Variants in MICU2 observed in about 807,000 individuals in gnomAD.
MICU2 encodes calcium uptake protein 2, mitochondrial.
Under a neutral mutation model 60.4 loss-of-function variants are expected in MICU2, and 64 were observed. That is an observed-to-expected ratio of 1.06 (90% CI 0.87 to 1.31). MICU2 has a LOEUF of 1.31. MICU2 is among the 50% of genes most tolerant of loss of function. The pLI, the probability that MICU2 is intolerant of heterozygous loss-of-function variation, is 0.00. For synonymous variants in MICU2, 201 were observed against 175.0 expected (o/e 1.15, Z -1.17); for missense variants, 569 against 531.0 (o/e 1.07, Z -0.70).
intron 1 of MICU2, among the ~76,000 whole-genome samples, chr13:21,580,729 TAACA>T (rs1444133866): frequency 6.6e-6 from 1 of 152,044 alleles, no homozygotes; most frequent in African/African-American, 2.4e-5. Context: ...TTCATGTAAG[TAACA>T]AATATTATTA....
At chr13:21,539,812 T>C (rs1887237934) in intron 2 of MICU2, 124 bp from the exon 3 acceptor site, 18 of 898,690 alleles carry the variant, frequency 2.0e-5, no homozygotes, top group Non-Finnish European at 2.8e-5. Context: ...AAGCAAAGGC[T>C]TGTAATTTTA....
At chr13:21,560,786 T>C (rs986440898) in intron 2 of MICU2, among the ~76,000 whole-genome samples, 5 of 152,224 alleles carry the variant, frequency 3.3e-5, no homozygotes, top group African/African-American at 1.2e-4. Flanking sequence ...AGAATTTCTG[T>C]AAAAATTTTC....
At chr13:21,533,324 ATTTT>A in intron 4 of MICU2, among the ~76,000 whole-genome samples, 1 of 138,356 alleles carries the variant, frequency 7.2e-6, no homozygotes, top group African/African-American at 2.7e-5. Context: ...AGGCAGCGCA[ATTTT>A]TTTTTTTTTT....
intron 6 of MICU2, among the ~76,000 whole-genome samples, chr13:21,515,018 C>T (rs370404410): frequency 1.1e-4 from 17 of 151,782 alleles, no homozygotes; most frequent in African/African-American, 3.9e-4. Context: ...TTATGCTGTC[C>T]TTTCAAGATA....
chr13:21,502,984 T>C lies in MICU2; in HGVS notation c.875A>G (p.Asn292Ser), dbSNP rs1329480984. The C allele has an allele frequency of 1.9e-6, 3 of 1,612,088 alleles. No individual in the cohort carries two copies. Among genetic ancestry groups the C allele is most frequent in the Middle Eastern group, 1.7e-4 (1 of 6,056 alleles). Reference sequence around the variant, plus strand: ...CCAATAAATATCTTTATTTTCAGTGTTAGTGAAAAAAAGTAGCCACTCTGC... The same window carrying C: ...CCAATAAATATCTTTATTTTCAGTGCTAGTGAAAAAAAGTAGCCACTCTGC... ...DFAEWLLFFT[N>S]TENKDIYWKN... Residue 292 changes from asparagine to serine, a missense_variant, in exon 9 of 12, where the codon AAC (asparagine) becomes AGC (serine). Coordinates refer to ENST00000382374, the MANE Select transcript of MICU2 (RefSeq NM_152726.3).
intron 2 of MICU2, among the ~76,000 whole-genome samples, chr13:21,556,038 C>T (rs940720178): frequency 7.2e-5 from 11 of 152,268 alleles, no homozygotes; most frequent in African/African-American, 1.9e-4. Context: ...TCCTCTTGAT[C>T]GCATTTCCAC....
In MICU2 at chr13:21,502,215, C is replaced by T. The variant is rs550965438; in HGVS notation, c.933+711G>A. Among the ~76,000 whole-genome samples, 432 of 150,830 alleles carry T rather than the reference C, an allele frequency of 2.9e-3. 2 individuals are homozygous for T. The highest frequency in any genetic ancestry group is 5.2e-3 in the Non-Finnish European group (352 of 67,930). On this transcript the variant is annotated intron_variant, in intron 9 of 11. Transcript: ENST00000382374. Reference sequence around the variant, plus strand: ...ATCTTGCAGTTATAACTGGGTTCTTCTACTGCAATTTATTTTTTTCTTACA... The same window carrying T: ...ATCTTGCAGTTATAACTGGGTTCTTTTACTGCAATTTATTTTTTTCTTACA...
chr13:21,603,663 T>C, intron 1 of MICU2: 1 of 525,518 alleles, frequency 1.9e-6, no homozygotes. Context: ...ACTAAATTAG[T>C]GCGGCCAGTT....
chr13:21,521,165 G>A (rs1436577828), intron 6 of MICU2, 80 bp downstream of exon 6: 15 of 1,108,154 alleles, frequency 1.4e-5, no homozygotes, highest in South Asian at 5.8e-5. Context: ...ATACAATTTT[G>A]ATTTTAATGG....
intron 9 of MICU2, among the ~76,000 whole-genome samples, chr13:21,497,200 GAA>G (rs113779425): frequency 3.4e-5 from 4 of 117,918 alleles, no homozygotes; most frequent in Non-Finnish European, 3.7e-5. Context: ...TGGTGAAAAA[GAA>G]AAAAAAAAAA....
chr13:21,547,821 A>G (rs1887451603), intron 2 of MICU2, among the ~76,000 whole-genome samples: 2 of 152,046 alleles, frequency 1.3e-5, no homozygotes, highest in African/African-American at 4.8e-5. Flanking sequence ...TCTGCAGTGC[A>G]TATAGAGTTG....
intron 1 of MICU2, among the ~76,000 whole-genome samples, chr13:21,591,579 T>C (rs928094058): frequency 2.2e-4 from 34 of 152,172 alleles, no homozygotes; most frequent in Non-Finnish European, 4.4e-4. Context: ...TATACATTCT[T>C]CTTAGAGCCA....
intron 8 of MICU2, among the ~76,000 whole-genome samples, chr13:21,507,072 A>G (rs932098458): frequency 6.6e-6 from 1 of 152,224 alleles, no homozygotes; most frequent in African/African-American, 2.4e-5. Flanking sequence ...GCCTAGTATA[A>G]TTACAATTTT....
chr13:21,529,070 G>A (rs971354774), intron 4 of MICU2, among the ~76,000 whole-genome samples: 1 of 152,206 alleles, frequency 6.6e-6, no homozygotes, highest in Non-Finnish European at 1.5e-5. Context: ...CCAAACTAAG[G>A]AAGTTAGATT....
At chr13:21,547,572 G>C (rs539590714) in intron 2 of MICU2, among the ~76,000 whole-genome samples, 1 of 152,186 alleles carries the variant, frequency 6.6e-6, no homozygotes, top group South Asian at 2.1e-4. Flanking sequence ...TTAACATAGG[G>C]TAAATCAAAT....
At chr13:21,584,929 C>G (rs1320202310) in intron 1 of MICU2, among the ~76,000 whole-genome samples, 2 of 152,032 alleles carry the variant, frequency 1.3e-5, no homozygotes, top group Non-Finnish European at 2.9e-5. Context: ...GTTTATAGAA[C>G]AAGAACAAAC....
intron 2 of MICU2, among the ~76,000 whole-genome samples, chr13:21,565,242 C>A (rs894837332): frequency 6.6e-6 from 1 of 152,162 alleles, no homozygotes; most frequent in Non-Finnish European, 1.5e-5. Flanking sequence ...AATAAAAGAA[C>A]CTAGGCTGGG....
chr13:21,542,884 T>C (rs772389915), intron 2 of MICU2, among the ~76,000 whole-genome samples: 3 of 152,216 alleles, frequency 2.0e-5, no homozygotes, highest in Admixed American at 6.5e-5. Flanking sequence ...AGTGTTCTTA[T>C]AGATCCAATA....
At chr13:21,569,683 CTGTA>C (rs1888063551) in intron 1 of MICU2, among the ~76,000 whole-genome samples, 1 of 151,242 alleles carries the variant, frequency 6.6e-6, no homozygotes, top group African/African-American at 2.4e-5. Flanking sequence ...ATATAATACT[CTGTA>C]TTATAGTATC....
Sources: allele counts gnomAD v4.1 joint callset (sites outside exome capture counted in the v4.1 genomes callset), GRCh38; gene constraint gnomAD v4.1.1; transcripts MANE v1.5; gene names NCBI Gene and HGNC (gene_info 2026-07-23, HGNC 2026-07-21).